PRKN: variants seen among roughly 807,000 people sequenced by gnomAD.
PRKN encodes E3 ubiquitin-protein ligase parkin.
A neutral mutation model predicts 59.5 loss-of-function variants in PRKN; 56 were observed. The ratio of observed to expected loss-of-function variants is 0.94; its 90% CI spans 0.76 to 1.18. The LOEUF (loss-of-function observed/expected upper bound fraction) is 1.18. Ranked by LOEUF, PRKN falls within the 50% of genes most tolerant of loss-of-function variation. The probability of loss-of-function intolerance (pLI) is 0.00; values close to 1 mark genes in which losing one functional copy is unlikely to be tolerated. For missense variants in PRKN, 657 were observed against 596.4 expected (o/e 1.10, Z -1.06); for synonymous variants, 250 against 222.1 (o/e 1.13, Z -1.12).
chr6:161,510,131 CTT>C (rs2115329223), intron 9 of PRKN, among the ~76,000 whole-genome samples: 1 of 152,210 alleles, frequency 6.6e-6, no homozygotes, highest in East Asian at 1.9e-4. Flanking sequence ...CACATGAACA[CTT>C]TTATAAAATT....
At chr6:162,262,828 G>T in intron 2 of PRKN, 63 bp from the exon 3 acceptor site, 1 of 1,582,240 alleles carries the variant, frequency 6.3e-7, no homozygotes, top group Non-Finnish European at 8.5e-7. Context: ...TGAAATGCGA[G>T]ATAGAGTTTA....
intron 7 of PRKN, among the ~76,000 whole-genome samples, chr6:161,610,232 C>T (rs925389436): frequency 6.6e-6 from 1 of 151,982 alleles, no homozygotes; most frequent in African/African-American, 2.4e-5. Context: ...TGGGAGCTGG[C>T]CTGTGGTGGG....
rs138399466 is a variant in PRKN, at chr6:161,557,430, G to A, written c.934-8427C>T. ...GGTAGAAAAGTGTTCTATAATGAAG[G>A]AACGGTTGCACGTTCAAGCCCCAGA... On this transcript the variant is annotated intron_variant, in intron 8 of 11. Coordinates refer to ENST00000366898, the MANE Select transcript of PRKN (RefSeq NM_004562.3). 4.4e-3 allele frequency among the ~76,000 whole-genome samples: 666 copies of A among 152,230 alleles called. 3 individuals are homozygous for A. The highest frequency in any genetic ancestry group is 0.015 in the African/African-American group (639 of 41,536).
At chr6:162,084,737 G>C (rs953512796) in intron 4 of PRKN, among the ~76,000 whole-genome samples, 1 of 151,918 alleles carries the variant, frequency 6.6e-6, no homozygotes, top group African/African-American at 2.4e-5. Context: ...GTGTACTGTA[G>C]TTACAGGAAC....
intron 3 of PRKN, among the ~76,000 whole-genome samples, chr6:162,206,400 G>A (rs1240032136): frequency 6.6e-6 from 1 of 152,186 alleles, no homozygotes; most frequent in African/African-American, 2.4e-5. Flanking sequence ...ACCAGCTACT[G>A]ATAAGGAGCT....
intron 1 of PRKN, chr6:162,569,342 C>G (rs1780215863): frequency 1.6e-6 from 1 of 632,768 alleles, no homozygotes; most frequent in Non-Finnish European, 3.0e-6. Flanking sequence ...GCTGTCCAAG[C>G]TGGAGGCTGC....
intron 6 of PRKN, among the ~76,000 whole-genome samples, chr6:161,885,452 C>T (rs1162176188): frequency 1.3e-5 from 2 of 152,042 alleles, no homozygotes; most frequent in Non-Finnish European, 2.9e-5. Flanking sequence ...ATCACGAGGT[C>T]AGGAGATAGA....
At chr6:162,195,047 T>A (rs1207603413) in intron 4 of PRKN, among the ~76,000 whole-genome samples, 1 of 152,182 alleles carries the variant, frequency 6.6e-6, no homozygotes, top group Non-Finnish European at 1.5e-5. Flanking sequence ...AGACATGCAT[T>A]GTGTTCTGCA....
At chr6:161,915,869 C>A (rs1450181215) in intron 6 of PRKN, among the ~76,000 whole-genome samples, 1 of 152,130 alleles carries the variant, frequency 6.6e-6, no homozygotes. Context: ...AGCATGCACA[C>A]AAGAGAGGGT....
At chr6:162,665,713 G>A (rs192422960) in intron 1 of PRKN, among the ~76,000 whole-genome samples, 2 of 152,240 alleles carry the variant, frequency 1.3e-5, no homozygotes, top group East Asian at 3.9e-4. Flanking sequence ...AGAAGACCCT[G>A]TATAGCCTAG....
intron 3 of PRKN, among the ~76,000 whole-genome samples, chr6:162,262,202 G>C (rs1209883144): frequency 6.6e-6 from 1 of 152,112 alleles, no homozygotes; most frequent in Non-Finnish European, 1.5e-5. Context: ...ATTGCCATTG[G>C]CATATCTGGC....
intron 5 of PRKN, among the ~76,000 whole-genome samples, chr6:162,048,849 T>C (rs560804339): frequency 1.3e-5 from 2 of 152,144 alleles, no homozygotes; most frequent in Non-Finnish European, 2.9e-5. Context: ...AGGTAAATTA[T>C]AAAATGAAGA....
At chr6:161,855,582 T>A (rs766093090) in intron 6 of PRKN, among the ~76,000 whole-genome samples, 25 of 140,162 alleles carry the variant, frequency 1.8e-4, no homozygotes, top group Non-Finnish European at 3.4e-4. Flanking sequence ...AAAACATTAC[T>A]ATTGTTCACT....
chr6:161,359,982 C>T lies in PRKN; in HGVS notation c.1285+106G>A, dbSNP rs1034201351. The T allele has an allele frequency of 1.2e-5, 10 of 847,792 alleles. No homozygotes were observed. Among genetic ancestry groups the T allele is most frequent in the Non-Finnish European group, 1.9e-5 (9 of 484,224 alleles). 52.5% of individuals were successfully genotyped at this position (847,792 alleles called of 1,614,324 possible). A position where few individuals can be genotyped will look rare whatever the true frequency, so the allele number is the denominator to read the frequency against. ...TTAATCGAGGGGTTACCCAACACAC[C>T]AGGCACCTTCAGACAGCATCTCCTT... On this transcript the variant is annotated intron_variant, in intron 11 of 11. Coordinates refer to ENST00000366898, the MANE Select transcript of PRKN (RefSeq NM_004562.3). The surrounding 1 kb of genome is among the most constrained non-coding windows in gnomAD (Gnocchi z 5.4).
At chr6:161,807,216 A>G (rs1791368150) in intron 6 of PRKN, among the ~76,000 whole-genome samples, 1 of 152,200 alleles carries the variant, frequency 6.6e-6, no homozygotes, top group Admixed American at 6.5e-5. Flanking sequence ...TTCAGTAAAG[A>G]GAGGTGGAGG....
intron 7 of PRKN, among the ~76,000 whole-genome samples, chr6:161,666,923 T>C (rs1418695994): frequency 6.6e-6 from 1 of 152,150 alleles, no homozygotes; most frequent in Non-Finnish European, 1.5e-5. Flanking sequence ...TGGACCTTCA[T>C]GTAATGGGAG....
intron 10 of PRKN, among the ~76,000 whole-genome samples, chr6:161,381,586 A>G (rs572285011): frequency 6.6e-6 from 1 of 152,310 alleles, no homozygotes; most frequent in African/African-American, 2.4e-5. Context: ...ACTGAGGTTT[A>G]CTGTGGAAAT....
chr6:161,802,474 C>T (rs536840795), intron 6 of PRKN, among the ~76,000 whole-genome samples: 1 of 151,408 alleles, frequency 6.6e-6, no homozygotes, highest in Non-Finnish European at 1.5e-5. Flanking sequence ...CCCACACACG[C>T]CCCCCACACA....
chr6:161,936,682 A>G (rs550821929), intron 6 of PRKN, among the ~76,000 whole-genome samples: 1 of 152,180 alleles, frequency 6.6e-6, no homozygotes, highest in Non-Finnish European at 1.5e-5. Context: ...AAGCTCTGAT[A>G]ACTCTTCTCA....
Sources: gnomAD v4.1 joint callset for allele counts (sites outside exome capture counted in the v4.1 genomes callset) on GRCh38, gnomAD v4.1.1 for gene constraint, Gnocchi (gnomAD v3.1) non-coding constraint, MANE v1.5 for transcripts, NCBI Gene and HGNC (gene_info 2026-07-23, HGNC 2026-07-21) for gene names.